Variants in ACBD6 observed in about 807,000 individuals in gnomAD.
ACBD6 encodes acyl-CoA binding domain containing 6.
Under a neutral mutation model 37.2 loss-of-function variants are expected in ACBD6, and 28 were observed. The ratio of observed to expected loss-of-function variants is 0.75; its 90% CI spans 0.56 to 1.03. The LOEUF is 1.03. Ranked by LOEUF, ACBD6 falls within the 50% of genes least tolerant of loss-of-function variation. The probability of loss-of-function intolerance (pLI) is 0.00; values close to 1 mark genes in which losing one functional copy is unlikely to be tolerated. For missense variants in ACBD6, 340 were observed against 337.4 expected, an observed-to-expected ratio of 1.01 and a Z score of -0.06; for synonymous variants, 113 against 126.8, an observed-to-expected ratio of 0.89 and a Z score of 0.73.
At chr1:180,421,059 T>C (rs560839758) in intron 4 of ACBD6, among the ~76,000 whole-genome samples, 6 of 152,158 alleles carry the variant, frequency 3.9e-5, no homozygotes, top group Non-Finnish European at 4.4e-5. Context: ...ATGTGCAGGT[T>C]TGCTACATAT....
intron 6 of ACBD6, among the ~76,000 whole-genome samples, chr1:180,355,916 GGT>G (rs1652609386): frequency 6.6e-6 from 1 of 151,782 alleles, no homozygotes; most frequent in African/African-American, 2.4e-5. Flanking sequence ...TGCCCAGGCT[GGT>G]GTGCAGTGGC....
At chr1:180,326,772 ATCCTGCAGGACTGGC>A (rs1651272043) in intron 6 of ACBD6, among the ~76,000 whole-genome samples, 1 of 151,798 alleles carries the variant, frequency 6.6e-6, no homozygotes, top group Non-Finnish European at 1.5e-5. Flanking sequence ...CAGGTGATGA[ATCCTGCAGGACTGGC>A]TCCTTCCCTT....
At chr1:180,364,010 C>A (rs190328591) in intron 6 of ACBD6, among the ~76,000 whole-genome samples, 2 of 152,232 alleles carry the variant, frequency 1.3e-5, no homozygotes, top group African/African-American at 2.4e-5. Context: ...AACAAGAATA[C>A]AAGATGTGTC....
Position 180,389,463 on chromosome 1 carries a change from C to T in ACBD6, c.663+8053G>A, listed in dbSNP as rs531358080. 9.8e-3 allele frequency among the ~76,000 whole-genome samples: 1,496 copies of T among 152,214 alleles called. 24 individuals carry two copies. Among genetic ancestry groups the T allele is most frequent in the African/African-American group, 0.034 (1,406 of 41,532 alleles). On this transcript the variant is annotated intron_variant, in intron 6 of 7. Transcript: ENST00000367595. ...TGTGAATAGTGCTGCAATAAACATA[C>T]GTGTGCATGTGTCTTTATAGCAGCA...
chr1:180,435,256 A>C, intron 3 of ACBD6: 1 of 557,372 alleles, frequency 1.8e-6, no homozygotes, highest in Admixed American at 2.4e-5. Context: ...TACCAGATGC[A>C]TTTTTTTTTT....
chr1:180,464,491 A>G (rs1474570464), intron 3 of ACBD6, among the ~76,000 whole-genome samples: 4 of 152,140 alleles, frequency 2.6e-5, no homozygotes, highest in East Asian at 1.9e-4. Flanking sequence ...CAAGGAGGTG[A>G]AAGATCTCTA....
At chr1:180,322,968 G>T (rs1651129171) in intron 6 of ACBD6, among the ~76,000 whole-genome samples, 1 of 151,286 alleles carries the variant, frequency 6.6e-6, no homozygotes, top group African/African-American at 2.4e-5. Flanking sequence ...TAGGTTATTG[G>T]AAGTTTTTCT....
chr1:180,274,790 A>ACACAG lies in ACBD6; in HGVS notation c.*792_*796dup, dbSNP rs1270536936. On this transcript the variant is annotated 3_prime_UTR_variant, in exon 10 of 14. Coordinates refer to the ACBD6 transcript ENST00000642319. ...AGTGGGAGAGCAGACTCATCTCAGAACACAGCACAGGGGGTAATGGCCTAG... is the reference window on the plus strand; with the variant it reads ...AGTGGGAGAGCAGACTCATCTCAGAACACAGCACAGCACAGGGGGTAATGGCCTAG... 2.4e-5 allele frequency: 14 copies of ACACAG among 584,076 alleles called. No individual in the cohort carries two copies. In the Admixed American group the frequency reaches 4.3e-4, roughly 18 times the overall value. 36.2% of individuals were successfully genotyped at this position (584,076 alleles called of 1,614,324 possible).
At chr1:180,320,524 A>T (rs1354795462) in intron 6 of ACBD6, among the ~76,000 whole-genome samples, 1 of 152,142 alleles carries the variant, frequency 6.6e-6, no homozygotes, top group Non-Finnish European at 1.5e-5. Context: ...CTGTAATCCC[A>T]GCTACCTGGG....
chr1:180,487,407 C>T (rs1333811626), intron 3 of ACBD6, among the ~76,000 whole-genome samples: 3 of 152,106 alleles, frequency 2.0e-5, no homozygotes, highest in Non-Finnish European at 4.4e-5. Flanking sequence ...CACCATCTCA[C>T]GCCCTCCACT....
intron 6 of ACBD6, among the ~76,000 whole-genome samples, chr1:180,391,785 G>A (rs1654085728): frequency 6.6e-6 from 1 of 152,050 alleles, no homozygotes. Flanking sequence ...CTATGACCCA[G>A]CAATTCTACT....
intron 3 of ACBD6, among the ~76,000 whole-genome samples, chr1:180,474,051 C>G (rs935872046): frequency 2.0e-5 from 3 of 152,076 alleles, no homozygotes; most frequent in African/African-American, 4.8e-5. Context: ...TGAGATTTTG[C>G]CTCCCTGTAA....
chr1:180,279,216 C>T (rs1278239659), intron 9 of ACBD6, among the ~76,000 whole-genome samples: 13 of 152,168 alleles, frequency 8.5e-5, no homozygotes, highest in East Asian at 1.9e-4. Flanking sequence ...TTCCTGGGCA[C>T]GATCCTCTGC....
chr1:180,473,667 A>G (rs114036573), intron 3 of ACBD6, among the ~76,000 whole-genome samples: 3,035 of 152,296 alleles, frequency 0.02, 97 homozygotes, highest in African/African-American at 0.068. Context: ...TTGGAATACA[A>G]GTCAGTAATA....
intron 4 of ACBD6, among the ~76,000 whole-genome samples, chr1:180,427,159 T>C (rs1265307116): frequency 1.3e-5 from 2 of 152,174 alleles, no homozygotes; most frequent in African/African-American, 4.8e-5. Flanking sequence ...TACACATTCG[T>C]CAGAAAAGCT....
At chr1:180,308,032 A>C (rs1650450707) in intron 7 of ACBD6, among the ~76,000 whole-genome samples, 1 of 151,350 alleles carries the variant, frequency 6.6e-6, no homozygotes, top group African/African-American at 2.4e-5. Flanking sequence ...TCATTTCTTT[A>C]CCTTTCTGTG....
intron 3 of ACBD6, among the ~76,000 whole-genome samples, chr1:180,466,256 T>TAAAG (rs1365084532): frequency 2.6e-5 from 4 of 152,208 alleles, no homozygotes; most frequent in African/African-American, 9.6e-5. Context: ...AATATAAAAT[T>TAAAG]AAAGTATTAG....
At chr1:180,345,876 T>C (rs1278147912) in intron 6 of ACBD6, among the ~76,000 whole-genome samples, 1 of 152,182 alleles carries the variant, frequency 6.6e-6, no homozygotes, top group African/African-American at 2.4e-5. Context: ...ATATTTCTAT[T>C]ATGAACAAGT....
intron 3 of ACBD6, among the ~76,000 whole-genome samples, chr1:180,465,279 T>C (rs1298063400): frequency 2.0e-5 from 3 of 152,134 alleles, no homozygotes; most frequent in Non-Finnish European, 4.4e-5. Context: ...TGACAAGCTC[T>C]AATATCCAGC....
Sources: gnomAD v4.1 joint callset for allele counts (sites outside exome capture counted in the v4.1 genomes callset) on GRCh38, gnomAD v4.1.1 for gene constraint, MANE v1.5 for transcripts, NCBI Gene and HGNC (gene_info 2026-07-23, HGNC 2026-07-21) for gene names.